ANO4: variants seen among roughly 807,000 people sequenced by gnomAD.
ANO4 encodes the protein anoctamin-4.
Under a neutral mutation model 141.9 loss-of-function variants are expected in ANO4, and 69 were observed. That is an observed-to-expected ratio of 0.49 (90% confidence interval 0.40 to 0.59). The LOEUF (loss-of-function observed/expected upper bound fraction) is 0.59. ANO4 is among the 20% of genes least tolerant of loss of function. The pLI, the probability that ANO4 is intolerant of heterozygous loss-of-function variation, is 0.00. For synonymous variants in ANO4, 350 were observed against 394.3 expected, an observed-to-expected ratio of 0.89 and a Z score of 1.33; for missense variants, 894 against 1,162.2, an observed-to-expected ratio of 0.77 and a Z score of 3.36.
At chr12:100,999,521 A>G (rs1173067658) in intron 8 of ANO4, among the ~76,000 whole-genome samples, 3 of 152,192 alleles carry the variant, frequency 2.0e-5, no homozygotes, top group East Asian at 1.9e-4. Context: ...CATCTGCATC[A>G]TTAATTCCTC....
chr12:101,125,556 G>C (rs1338302677), intron 26 of ANO4, among the ~76,000 whole-genome samples: 1 of 152,044 alleles, frequency 6.6e-6, no homozygotes. Flanking sequence ...GGTTTTTAAG[G>C]GGAATGCTTA....
chr12:101,113,639 A>AT (rs1290897180), intron 24 of ANO4, among the ~76,000 whole-genome samples: 8 of 151,908 alleles, frequency 5.3e-5, no homozygotes, highest in Admixed American at 1.3e-4. Flanking sequence ...TACTTTTCAG[A>AT]TTTTTTTTAT....
chr12:100,795,252 A>G lies in ANO4; in HGVS notation c.-141+225A>G, dbSNP rs531582429. ...TGAGCTCTTCTGCTGTGATACGAAT[A>G]TAAGTGCTCTGTCTTTGTCCTTGAA... On this transcript the variant is annotated intron_variant, in intron 1 of 27. Transcript: ENST00000392977. Among the ~76,000 whole-genome samples the G allele has an allele frequency of 2.0e-5, 3 of 150,014 alleles. No individual in the cohort carries two copies. In the South Asian group the frequency reaches 6.2e-4, roughly 31 times the overall value.
At chr12:100,762,366 A>G (rs543521104) in intron 3 of ANO4, among the ~76,000 whole-genome samples, 1 of 152,084 alleles carries the variant, frequency 6.6e-6, no homozygotes, top group South Asian at 2.1e-4. Context: ...AGAACTAGCC[A>G]CCTCAGGCAC....
At chr12:100,891,264 A>T (rs919613886) in intron 1 of ANO4, among the ~76,000 whole-genome samples, 8 of 152,238 alleles carry the variant, frequency 5.3e-5, no homozygotes, top group African/African-American at 1.7e-4. Flanking sequence ...GCAATTATGA[A>T]TAAAACTGCT....
At chr12:100,907,665 C>T (rs12300952) in intron 2 of ANO4, among the ~76,000 whole-genome samples, 6,598 of 152,220 alleles carry the variant, frequency 0.043, 488 homozygotes, top group African/African-American at 0.15. Context: ...AGTTATATGG[C>T]GTAAATCTTA....
chr12:101,053,871 A>T (rs1204655505), intron 14 of ANO4, among the ~76,000 whole-genome samples: 1 of 152,214 alleles, frequency 6.6e-6, no homozygotes, highest in Non-Finnish European at 1.5e-5. Context: ...ACATGGCTTC[A>T]CGCTGTAAGC....
intron 9 of ANO4, among the ~76,000 whole-genome samples, chr12:101,021,178 G>C (rs1254938668): frequency 6.6e-6 from 1 of 152,254 alleles, no homozygotes; most frequent in East Asian, 1.9e-4. Context: ...CTGCCCTCTG[G>C]AGTACTGGGG....
intron 14 of ANO4, among the ~76,000 whole-genome samples, chr12:101,056,016 G>A (rs2048102741): frequency 6.6e-6 from 1 of 152,066 alleles, no homozygotes; most frequent in South Asian, 2.1e-4. Flanking sequence ...TATGTTTGAT[G>A]TGTATGTGTA....
At chr12:101,115,484 T>C (rs1382520115) in intron 24 of ANO4, among the ~76,000 whole-genome samples, 1 of 151,998 alleles carries the variant, frequency 6.6e-6, no homozygotes, top group African/African-American at 2.4e-5. Context: ...AGAAGTTATA[T>C]AACGTGCCAA....
chr12:101,085,934 G>A (rs1021861531), intron 16 of ANO4, among the ~76,000 whole-genome samples: 1 of 152,160 alleles, frequency 6.6e-6, no homozygotes, highest in African/African-American at 2.4e-5. Context: ...GAAATTATAA[G>A]TAGTGTCCTG....
intron 5 of ANO4, among the ~76,000 whole-genome samples, chr12:100,961,539 A>G (rs1395358385): frequency 6.6e-6 from 1 of 152,238 alleles, no homozygotes; most frequent in Non-Finnish European, 1.5e-5. Context: ...AATAAACTTT[A>G]TCATGGCACT....
At chr12:100,770,976 C>T (rs1346225597) in intron 3 of ANO4, among the ~76,000 whole-genome samples, 1 of 151,904 alleles carries the variant, frequency 6.6e-6, no homozygotes, top group African/African-American at 2.4e-5. Context: ...ATTGAGAATC[C>T]GAATTTAACC....
chr12:100,908,540 G>C lies in ANO4; in HGVS notation c.55+6700G>C, dbSNP rs190761471. ...ATTAGAAACTTGTTATTTAAAAAAA[G>C]TATTTTTAAAACTCATATTATTCTG... On this transcript the variant is annotated intron_variant, in intron 2 of 27. Coordinates refer to ENST00000392977, the MANE Select transcript of ANO4 (RefSeq NM_001286615.2). Among the ~76,000 whole-genome samples the C allele has an allele frequency of 1.1e-3, 164 of 142,980 alleles. 3 individuals carry two copies. In the East Asian group the frequency reaches 0.021, roughly 18 times the overall value. The allele number at this position is 142,980 out of a possible 152,430, so 93.8% of individuals were successfully genotyped here. A position where few individuals can be genotyped will look rare whatever the true frequency, so the allele number is the denominator to read the frequency against.
intron 14 of ANO4, among the ~76,000 whole-genome samples, chr12:101,051,521 G>A (rs1262439133): frequency 6.6e-6 from 1 of 152,186 alleles, no homozygotes; most frequent in African/African-American, 2.4e-5. Flanking sequence ...GTGTTTCTTT[G>A]TAGATAGAGA....
chr12:100,902,026 A>T (rs1218109583), intron 2 of ANO4, among the ~76,000 whole-genome samples, 186 bp downstream of exon 2: 6 of 152,226 alleles, frequency 3.9e-5, no homozygotes, highest in African/African-American at 1.4e-4. Flanking sequence ...ATAAGAGGGG[A>T]GAGAGCTTGG....
intron 1 of ANO4, among the ~76,000 whole-genome samples, chr12:100,800,904 A>G (rs923821020): frequency 2.6e-5 from 4 of 152,224 alleles, no homozygotes; most frequent in African/African-American, 7.2e-5. Flanking sequence ...CACTTGCCTC[A>G]GTGCCTTTGC....
chr12:100,840,101 G>A (rs1447419333), intron 1 of ANO4, among the ~76,000 whole-genome samples: 1 of 146,000 alleles, frequency 6.8e-6, no homozygotes, highest in Non-Finnish European at 1.5e-5. Context: ...TTTCTGACAT[G>A]AAAAAGAAGT....
At chr12:100,754,632 A>G (rs751096659) in intron 3 of ANO4, among the ~76,000 whole-genome samples, 1 of 152,214 alleles carries the variant, frequency 6.6e-6, no homozygotes, top group Non-Finnish European at 1.5e-5. Flanking sequence ...TAGCAGCACT[A>G]GTCACAATAG....
Sources: gnomAD v4.1 joint callset for allele counts (sites outside exome capture counted in the v4.1 genomes callset) on GRCh38, gnomAD v4.1.1 for gene constraint, MANE v1.5 for transcripts, NCBI Gene and HGNC (gene_info 2026-07-23, HGNC 2026-07-21) for gene names.